TENM4: variants seen among roughly 807,000 people sequenced by gnomAD.
TENM4 encodes the protein teneurin-4.
Under a neutral mutation model 243.3 loss-of-function variants are expected in TENM4, and 82 were observed. The ratio of observed to expected loss-of-function variants is 0.34; its 90% CI spans 0.28 to 0.40. TENM4 has a LOEUF of 0.40. TENM4 is among the 10% of genes least tolerant of loss of function. The probability of loss-of-function intolerance (pLI) is 1.00; values close to 1 mark genes in which losing one functional copy is unlikely to be tolerated. For synonymous variants in TENM4, 1,412 were observed against 1,456.3 expected (o/e 0.97, Z 0.69); for missense variants, 3,138 against 3,673.3 (o/e 0.85, Z 3.77).
intron 1 of TENM4, among the ~76,000 whole-genome samples, chr11:79,376,064 C>A (rs538264039): frequency 1.3e-5 from 2 of 152,212 alleles, no homozygotes; most frequent in Non-Finnish European, 2.9e-5. Flanking sequence ...ACCTGACAAG[C>A]CTTTAATTAG....
chr11:78,910,460 G>A (rs182368962), intron 6 of TENM4, among the ~76,000 whole-genome samples: 10 of 152,320 alleles, frequency 6.6e-5, no homozygotes, highest in Non-Finnish European at 1.5e-4. Context: ...TGGCCTACAC[G>A]ACCAATTTAT....
chr11:79,296,372 T>A (rs1026954124), intron 2 of TENM4, among the ~76,000 whole-genome samples: 3 of 152,184 alleles, frequency 2.0e-5, no homozygotes, highest in African/African-American at 7.2e-5. Context: ...CTCTCTGATA[T>A]GCTAAATCCC....
intron 9 of TENM4, among the ~76,000 whole-genome samples, chr11:78,881,295 C>T (rs980288259): frequency 6.6e-6 from 1 of 152,150 alleles, no homozygotes; most frequent in Non-Finnish European, 1.5e-5. Flanking sequence ...CTGCTCTGTG[C>T]CCTGGGAGGC....
chr11:79,060,862 A>G (rs1860067727), intron 6 of TENM4, among the ~76,000 whole-genome samples: 1 of 152,154 alleles, frequency 6.6e-6, no homozygotes, highest in Non-Finnish European at 1.5e-5. Flanking sequence ...CTGAGAAGTG[A>G]CCACACTGTG....
At chr11:78,744,159 T>C (rs563862962) in intron 19 of TENM4, among the ~76,000 whole-genome samples, 2 of 152,356 alleles carry the variant, frequency 1.3e-5, no homozygotes, top group East Asian at 3.9e-4. Flanking sequence ...CAGAGCCTGT[T>C]AAATTACTGC....
intron 8 of TENM4, 55 bp downstream of exon 8, chr11:78,891,183 G>A: frequency 2.0e-6 from 3 of 1,502,778 alleles, no homozygotes; most frequent in East Asian, 2.5e-5. Flanking sequence ...CTGCATGCAA[G>A]TGCAGGAGCC....
At chr11:78,839,757 T>C (rs1858208443) in intron 12 of TENM4, among the ~76,000 whole-genome samples, 4 of 152,228 alleles carry the variant, frequency 2.6e-5, no homozygotes, top group Admixed American at 2.0e-4. Flanking sequence ...TAAAAGCTGA[T>C]GTTCTTATGA....
intron 12 of TENM4, among the ~76,000 whole-genome samples, chr11:78,852,361 T>C (rs1459720283): frequency 6.6e-6 from 1 of 152,136 alleles, no homozygotes; most frequent in African/African-American, 2.4e-5. Flanking sequence ...AAGCAGGAAA[T>C]GGACTGAAAA....
At chr11:79,198,603 T>C (rs980175732) in intron 3 of TENM4, among the ~76,000 whole-genome samples, 2 of 152,224 alleles carry the variant, frequency 1.3e-5, no homozygotes, top group African/African-American at 2.4e-5. Flanking sequence ...GGTGAGTTGG[T>C]GGGAATAGAC....
chr11:78,663,290 T>C (rs1267424721), intron 32 of TENM4, among the ~76,000 whole-genome samples: 2 of 152,142 alleles, frequency 1.3e-5, no homozygotes, highest in Non-Finnish European at 2.9e-5. Flanking sequence ...TTCTTTCAAG[T>C]GGAGATAGAA....
At chr11:79,427,244 G>A (rs964396339) in intron 1 of TENM4, among the ~76,000 whole-genome samples, 1 of 152,172 alleles carries the variant, frequency 6.6e-6, no homozygotes, top group Non-Finnish European at 1.5e-5. Context: ...GCTTTAAAAA[G>A]CTGCATTATC....
intron 1 of TENM4, among the ~76,000 whole-genome samples, chr11:79,383,768 A>C (rs1053097153): frequency 6.6e-6 from 1 of 152,194 alleles, no homozygotes; most frequent in Non-Finnish European, 1.5e-5. Context: ...CACATTACTG[A>C]CATCCTTGAT....
chr11:78,660,673 T>A (rs961988847), intron 33 of TENM4, among the ~76,000 whole-genome samples: 2 of 152,216 alleles, frequency 1.3e-5, no homozygotes, highest in African/African-American at 4.8e-5. Context: ...AGGCTTAGTC[T>A]CTGCCTGATT....
intron 28 of TENM4, among the ~76,000 whole-genome samples, chr11:78,696,203 C>T (rs1053116636): frequency 6.6e-6 from 1 of 152,076 alleles, no homozygotes. Context: ...TCCTTATAAC[C>T]GTGGTTTTCA....
rs75542229 is a variant in TENM4, at chr11:79,080,846, G to A, written c.-65-10837C>T. Among the ~76,000 whole-genome samples, 1,419 of 152,296 alleles carry A rather than the reference G, an allele frequency of 9.3e-3. 26 individuals are homozygous for A. The highest frequency in any genetic ancestry group is 0.033 in the African/African-American group (1,352 of 41,552). On this transcript the variant is annotated intron_variant, in intron 4 of 33. Coordinates refer to ENST00000278550, the MANE Select transcript of TENM4 (RefSeq NM_001098816.3). ...GGTCAGGCCTGAAACCCAGTTTATTGGATTGCCAATTCTCTGTAAAAACAT... is the reference window on the plus strand; with the variant it reads ...GGTCAGGCCTGAAACCCAGTTTATTAGATTGCCAATTCTCTGTAAAAACAT...
intron 12 of TENM4, among the ~76,000 whole-genome samples, chr11:78,844,849 T>C (rs1858354219): frequency 6.6e-6 from 1 of 152,174 alleles, no homozygotes; most frequent in African/African-American, 2.4e-5. Context: ...TTTAAACCAC[T>C]CAGTTTGTGG....
At chr11:78,893,157 A>T (rs1855706151) in intron 7 of TENM4, among the ~76,000 whole-genome samples, 1 of 152,188 alleles carries the variant, frequency 6.6e-6, no homozygotes, top group Non-Finnish European at 1.5e-5. Context: ...GCAAGCCCCT[A>T]AAGTCTTCCC....
intron 6 of TENM4, among the ~76,000 whole-genome samples, chr11:78,915,031 C>T (rs1367971955): frequency 3.9e-5 from 6 of 152,176 alleles, no homozygotes; most frequent in African/African-American, 7.2e-5. Context: ...CAGTACGAGA[C>T]CCCCCACCAT....
At chr11:79,008,822 G>C (rs933516852) in intron 6 of TENM4, among the ~76,000 whole-genome samples, 2 of 152,172 alleles carry the variant, frequency 1.3e-5, no homozygotes, top group Admixed American at 6.5e-5. Context: ...AAAGTGTCCT[G>C]TTATATATTG....
Sources: allele counts gnomAD v4.1 joint callset (sites outside exome capture counted in the v4.1 genomes callset), GRCh38; gene constraint gnomAD v4.1.1; transcripts MANE v1.5; gene names NCBI Gene and HGNC (gene_info 2026-07-23, HGNC 2026-07-21).